Variants in PTK2B observed in about 807,000 individuals in gnomAD.
The protein encoded by PTK2B is protein tyrosine kinase 2 beta, also known as protein-tyrosine kinase 2-beta.
In PTK2B, 71 loss-of-function variants were observed where a neutral mutation model predicts 142.9. The ratio of observed to expected loss-of-function variants is 0.50; its 90% CI spans 0.41 to 0.61. PTK2B has a LOEUF of 0.61. Among genes scored for constraint, PTK2B ranks in the 20% least tolerant of loss-of-function variants. The probability of loss-of-function intolerance (pLI) is 0.00; values close to 1 mark genes in which losing one functional copy is unlikely to be tolerated. For missense variants in PTK2B, 1,105 were observed against 1,320.4 expected (o/e 0.84, Z 2.53); for synonymous variants, 519 against 503.4 (o/e 1.03, Z -0.42).
intron 2 of PTK2B, among the ~76,000 whole-genome samples, chr8:27,419,300 C>T (rs2131812136): frequency 6.6e-6 from 1 of 152,310 alleles, no homozygotes; most frequent in South Asian, 2.1e-4. Context: ...TGAATCTTGT[C>T]CTTATCTTTT....
chr8:27,334,014 C>T (rs1554557718), intron 1 of PTK2B, among the ~76,000 whole-genome samples: 1 of 152,136 alleles, frequency 6.6e-6, no homozygotes, highest in Non-Finnish European at 1.5e-5. Flanking sequence ...TTGTTCATCT[C>T]CCACACACTC....
intron 1 of PTK2B, among the ~76,000 whole-genome samples, chr8:27,349,596 T>A (rs1804925898): frequency 1.3e-5 from 2 of 152,226 alleles, no homozygotes; most frequent in African/African-American, 4.8e-5. Flanking sequence ...GCCCCGAGAT[T>A]CCTTTCATTC....
At chr8:27,434,004 G>T in intron 11 of PTK2B, 89 bp from the exon 12 acceptor site, 1 of 1,474,682 alleles carries the variant, frequency 6.8e-7, no homozygotes, top group Non-Finnish European at 9.5e-7. Context: ...TGGGAGGAGA[G>T]TCCCTTGTAG....
chr8:27,377,964 T>G (rs1205674292), intron 1 of PTK2B, among the ~76,000 whole-genome samples: 1 of 152,164 alleles, frequency 6.6e-6, no homozygotes, highest in African/African-American at 2.4e-5. Flanking sequence ...GGGCATTTAC[T>G]TTGGGGAAGG....
intron 14 of PTK2B, 45 bp from the exon 15 acceptor site, chr8:27,436,206 A>G: frequency 1.3e-6 from 2 of 1,590,324 alleles, no homozygotes; most frequent in Non-Finnish European, 1.7e-6. Flanking sequence ...CCTAGGGGAT[A>G]CCACCGATCT....
At chr8:27,395,848 C>A (rs1237956060) in intron 1 of PTK2B, among the ~76,000 whole-genome samples, 2 of 152,196 alleles carry the variant, frequency 1.3e-5, no homozygotes, top group East Asian at 1.9e-4. Flanking sequence ...AAACGACTTC[C>A]CCCTGGATTC....
chr8:27,405,893 T>A (rs1808683716), intron 2 of PTK2B, among the ~76,000 whole-genome samples: 1 of 152,268 alleles, frequency 6.6e-6, no homozygotes, highest in South Asian at 2.1e-4. Context: ...GAATGATCCC[T>A]TACATGTGTT....
intron 1 of PTK2B, among the ~76,000 whole-genome samples, chr8:27,392,137 G>C (rs1287557581): frequency 6.6e-6 from 1 of 152,186 alleles, no homozygotes; most frequent in Non-Finnish European, 1.5e-5. Context: ...CAAATAATCA[G>C]ACAATATTTA....
At chr8:27,382,292 T>TA (rs534716841) in intron 1 of PTK2B, among the ~76,000 whole-genome samples, 15 of 151,610 alleles carry the variant, frequency 9.9e-5, no homozygotes, top group South Asian at 4.2e-4. Context: ...CTTTGCTCAT[T>TA]AAAAAAAAAT....
In PTK2B at chr8:27,397,771, G is replaced by T; in HGVS notation, c.187G>T (p.Val63Phe). 1 of 1,614,200 alleles carries T rather than the reference G, an allele frequency of 6.2e-7. No individual in the cohort carries two copies. The highest frequency in any genetic ancestry group is 8.5e-7 in the Non-Finnish European group (1 of 1,179,996). Residue 63 changes from valine (V) to phenylalanine (F), a missense_variant, in exon 2 of 31, where the codon GTC becomes TTC. Transcript: ENST00000346049. ...GKNFKLVKCT[V>F]QTEIREIITS... Reference sequence around the variant, plus strand: ...AAACTTCAAACTGGTCAAATGCACTGTCCAGACGGAGATCCGGGTAAGTGT... The same window carrying T: ...AAACTTCAAACTGGTCAAATGCACTTTCCAGACGGAGATCCGGGTAAGTGT...
rs1811774669 is a variant in PTK2B, at chr8:27,451,037, C to T, written c.2488-6C>T. On this transcript the variant is annotated splice_polypyrimidine_tract_variant and splice_region_variant and intron_variant, in intron 25 of 30. Transcript: ENST00000346049. ...TAGTCCTTCGCTCTTGTTTCTTCCT[C>T]TGCAGGACCCCATGGTTTATATGAA... 6.2e-7 allele frequency: 1 copy of T among 1,612,576 alleles called. No homozygotes were observed. The highest frequency in any genetic ancestry group is 2.2e-5 in the East Asian group (1 of 44,880).
At position 27,342,556 on chromosome 8, in the gene PTK2B, G is replaced by A. The variant is rs573501961; in HGVS notation, c.-38+16875G>A. Among the ~76,000 whole-genome samples, 9 of 152,100 alleles carry A rather than the reference G, an allele frequency of 5.9e-5. No individual in the cohort carries two copies. In the East Asian group the frequency reaches 7.7e-4, roughly 13 times the overall value. Reference sequence around the variant, plus strand: ...TTGGCTTCCCCAGTTTTTTGTCTTCGTTCCCGGTGTTCTCGAAGGCAAGAC... The same window carrying A: ...TTGGCTTCCCCAGTTTTTTGTCTTCATTCCCGGTGTTCTCGAAGGCAAGAC... On this transcript the variant is annotated intron_variant, in intron 1 of 30. Coordinates refer to ENST00000346049, the MANE Select transcript of PTK2B (RefSeq NM_173176.3).
chr8:27,439,045 G>A lies in PTK2B; in HGVS notation c.1658G>A (p.Arg553Gln), dbSNP rs770288587. The A allele has an allele frequency of 6.2e-6, 10 of 1,614,022 alleles. No homozygotes were observed. Among genetic ancestry groups the A allele is most frequent in the South Asian group, 2.2e-5 (2 of 91,086 alleles). ...INCVHRDIAV[R>Q]NILVASPECV... ...CCTTCTTCCAGGGACATTGCTGTCC[G>A]GAACATCCTGGTGGCCTCCCCTGAG... The change falls in exon 19 of 31, where the codon CGG (arginine) becomes CAG (glutamine). Residue 553 changes from arginine (R) to glutamine (Q), a missense_variant. By Grantham distance (43) the Arg-to-Gln change is conservative. Transcript: ENST00000346049.
intron 13 of PTK2B, 92 bp from the exon 14 acceptor site, chr8:27,435,651 A>G: frequency 4.8e-6 from 7 of 1,470,022 alleles, no homozygotes; most frequent in Non-Finnish European, 6.6e-6. Flanking sequence ...CTTGGGCTCC[A>G]CTGGCCTCCA....
intron 1 of PTK2B, among the ~76,000 whole-genome samples, chr8:27,371,121 C>T (rs928099903): frequency 6.6e-6 from 1 of 152,154 alleles, no homozygotes; most frequent in African/African-American, 2.4e-5. Flanking sequence ...TCTCAAACTC[C>T]TGGCCTCAAG....
chr8:27,414,606 C>CTCTG (rs796471555), intron 2 of PTK2B, among the ~76,000 whole-genome samples: 1 of 82,420 alleles, frequency 1.2e-5, no homozygotes, highest in African/African-American at 4.1e-5. Context: ...CTCTCTCTCT[C>CTCTG]TGTGTGTGTG....
intron 3 of PTK2B, among the ~76,000 whole-genome samples, chr8:27,313,587 A>C (rs965813658): frequency 6.6e-5 from 10 of 152,120 alleles, no homozygotes; most frequent in African/African-American, 2.2e-4. Context: ...CCTCAGTGTG[A>C]GCTGCCCGAA....
intron 24 of PTK2B, among the ~76,000 whole-genome samples, chr8:27,447,205 C>G (rs1207857346): frequency 1.3e-5 from 2 of 152,300 alleles, no homozygotes; most frequent in South Asian, 4.1e-4. Context: ...GGAAAAAAGA[C>G]CTTTTGTATC....
Position 27,453,107 on chromosome 8 carries a change from A to G in PTK2B, c.2549-7A>G. ...CTGCCCCCCACTTGCTGTTCTTTTTATTGCAGTGGAGTTCACAGGGCCCCC... is the reference window on the plus strand; with the variant it reads ...CTGCCCCCCACTTGCTGTTCTTTTTGTTGCAGTGGAGTTCACAGGGCCCCC... On this transcript the variant is annotated splice_region_variant and splice_polypyrimidine_tract_variant and intron_variant, in intron 27 of 30. Coordinates refer to ENST00000346049, the MANE Select transcript of PTK2B (RefSeq NM_173176.3). 2 of 1,613,844 alleles carry G rather than the reference A, an allele frequency of 1.2e-6. No individual in the cohort carries two copies. Among genetic ancestry groups the G allele is most frequent in the Non-Finnish European group, 1.7e-6 (2 of 1,179,922 alleles).
Sources: allele counts gnomAD v4.1 joint callset (sites outside exome capture counted in the v4.1 genomes callset), GRCh38; gene constraint gnomAD v4.1.1; transcripts MANE v1.5; gene names NCBI Gene and HGNC (gene_info 2026-07-23, HGNC 2026-07-21).